The following PRKAR1B variants were observed in gnomAD, a reference collection of about 807,000 sequenced individuals.
PRKAR1B encodes cAMP-dependent protein kinase type I-beta regulatory subunit.
A neutral mutation model predicts 46.5 loss-of-function variants in PRKAR1B; 22 were observed. The ratio of observed to expected loss-of-function variants is 0.47; its 90% CI spans 0.34 to 0.68. The LOEUF is 0.68. Ranked by LOEUF, PRKAR1B falls within the 30% of genes least tolerant of loss-of-function variation. PRKAR1B has a pLI of 0.01. For synonymous variants in PRKAR1B, 259 were observed against 217.7 expected (o/e 1.19, Z -1.67); for missense variants, 445 against 535.6 (o/e 0.83, Z 1.67).
intron 1 of PRKAR1B, among the ~76,000 whole-genome samples, chr7:713,470 A>G (rs916615319): frequency 6.8e-6 from 1 of 147,882 alleles, no homozygotes; most frequent in Non-Finnish European, 1.5e-5. Context: ...CGTACACACC[A>G]TCTCCCACTC....
rs146818957 is a variant in PRKAR1B, at chr7:668,565, T to G, written c.440+8664A>C. Among the ~76,000 whole-genome samples the G allele has an allele frequency of 4.9e-3, 753 of 152,300 alleles. 2 individuals are homozygous for G. Among genetic ancestry groups the G allele is most frequent in the Middle Eastern group, 0.014 (4 of 294 alleles). ...CAAAAGCTTCCTTTTCAAGCCAGCC[T>G]TACAAAGAGGAGTTTTTAAGCCAAC... is the stretch of plus-strand genomic sequence containing the variant. On this transcript the variant is annotated intron_variant, in intron 4 of 10. Coordinates refer to ENST00000537384, the MANE Select transcript of PRKAR1B (RefSeq NM_001164760.2).
chr7:703,081 C>G (rs1021947520), intron 2 of PRKAR1B, among the ~76,000 whole-genome samples: 3 of 152,072 alleles, frequency 2.0e-5, no homozygotes, highest in Non-Finnish European at 4.4e-5. Flanking sequence ...AAAGATTAAT[C>G]ACACAAATCC....
At chr7:553,179 G>T (rs1476120906) in intron 9 of PRKAR1B, among the ~76,000 whole-genome samples, 1 of 152,206 alleles carries the variant, frequency 6.6e-6, no homozygotes, top group Non-Finnish European at 1.5e-5. Flanking sequence ...CGGGAACCTA[G>T]GAATGTCCCG....
chr7:584,634 T>A (rs1196255081), intron 7 of PRKAR1B, 66 bp from the exon 8 acceptor site: 2 of 1,375,340 alleles, frequency 1.5e-6, no homozygotes, highest in East Asian at 4.6e-5. Flanking sequence ...TCCTGACGTT[T>A]CCAGATTTCC....
intron 6 of PRKAR1B, among the ~76,000 whole-genome samples, chr7:601,250 G>A (rs569295391): frequency 6.6e-6 from 1 of 152,340 alleles, no homozygotes; most frequent in South Asian, 2.1e-4. Context: ...CTCGGACCCT[G>A]GGTAGCCGTA....
intron 9 of PRKAR1B, among the ~76,000 whole-genome samples, chr7:561,198 CCA>C (rs1316974776): frequency 9.9e-5 from 15 of 151,374 alleles, no homozygotes; most frequent in African/African-American, 1.2e-4. Flanking sequence ...CACACACACC[CCA>C]CACACATGCA....
chr7:647,573 G>A (rs896048459), intron 4 of PRKAR1B, among the ~76,000 whole-genome samples: 57 of 152,006 alleles, frequency 3.7e-4, no homozygotes, highest in Admixed American at 2.9e-3. Flanking sequence ...TTGGGGGGCC[G>A]AGACAAGTGG....
In PRKAR1B at chr7:593,139, T is replaced by C. The variant is rs542268389; in HGVS notation, c.708+3007A>G. On this transcript the variant is annotated intron_variant, in intron 7 of 10. Coordinates refer to ENST00000537384, the MANE Select transcript of PRKAR1B (RefSeq NM_001164760.2). The surrounding 1 kb of genome is among the most constrained non-coding windows in gnomAD (Gnocchi z 6.1). ...GGAGCCTAGAGGTGGGGTCACCCCA[T>C]CCTTCCTCGGATAAAACGTGAAGCG... 1.3e-5 allele frequency among the ~76,000 whole-genome samples: 2 copies of C among 152,318 alleles called. No individual in the cohort carries two copies.
chr7:688,751 G>A (rs1779243318), intron 2 of PRKAR1B, among the ~76,000 whole-genome samples: 1 of 152,112 alleles, frequency 6.6e-6, no homozygotes, highest in Non-Finnish European at 1.5e-5. Flanking sequence ...GGTCCTCTCA[G>A]CAGTTACGTA....
intron 9 of PRKAR1B, among the ~76,000 whole-genome samples, chr7:572,073 G>C (rs148722024): frequency 0.014 from 2,151 of 152,302 alleles, 44 homozygotes; most frequent in African/African-American, 0.049. Context: ...CCTTTGGTAA[G>C]AGCCCCTAGA....
intron 4 of PRKAR1B, among the ~76,000 whole-genome samples, chr7:670,790 C>G (rs1036964099): frequency 4.0e-5 from 6 of 150,206 alleles, no homozygotes; most frequent in African/African-American, 1.2e-4. Flanking sequence ...GGCTCAGGAC[C>G]GAAGACGGCC....
At chr7:572,407 G>A (rs1779571068) in intron 9 of PRKAR1B, among the ~76,000 whole-genome samples, 1 of 152,214 alleles carries the variant, frequency 6.6e-6, no homozygotes, top group Admixed American at 6.5e-5. Flanking sequence ...CCCAGGAGGG[G>A]CCTGCTCCTG....
At chr7:721,379 G>A (rs1278103000) in intron 1 of PRKAR1B, among the ~76,000 whole-genome samples, 1 of 152,198 alleles carries the variant, frequency 6.6e-6, no homozygotes, top group Admixed American at 6.5e-5. Flanking sequence ...GGGCACGGTG[G>A]CTCACGCCTG....
chr7:685,385 C>CATACATAT (rs375724429), intron 2 of PRKAR1B, among the ~76,000 whole-genome samples: 3 of 79,516 alleles, frequency 3.8e-5, no homozygotes, highest in African/African-American at 1.7e-4. Flanking sequence ...TATATACATA[C>CATACATAT]ATATATATAT....
Position 551,267 on chromosome 7 carries a change from G to A in PRKAR1B, c.973+122C>T, listed in dbSNP as rs548440390. On this transcript the variant is annotated intron_variant, in intron 10 of 10. Coordinates refer to ENST00000537384, the MANE Select transcript of PRKAR1B (RefSeq NM_001164760.2). ...TCTGTTGCAGCCACACTGGGGCTCA[G>A]CCAAGCCCCACTACAAGGCCCCAGG... 87 of 931,862 alleles carry A rather than the reference G, an allele frequency of 9.3e-5. No homozygotes were observed. In the Middle Eastern group the frequency reaches 1.7e-3, roughly 18 times the overall value. The allele number at this position is 931,862 out of a possible 1,614,324, so 57.7% of individuals were successfully genotyped here.
intron 2 of PRKAR1B, among the ~76,000 whole-genome samples, chr7:693,498 C>T (rs566130426): frequency 1.8e-4 from 27 of 152,034 alleles, no homozygotes; most frequent in African/African-American, 5.5e-4. Context: ...AGCGGAATTG[C>T]GCAGCATTTG....
intron 4 of PRKAR1B, among the ~76,000 whole-genome samples, chr7:656,911 G>A (rs1463762431): frequency 2.1e-5 from 3 of 145,002 alleles, no homozygotes; most frequent in Non-Finnish European, 4.5e-5. Flanking sequence ...ATGGATGGAC[G>A]GACGGATGGA....
Position 550,565 on chromosome 7 carries a change from G to C in PRKAR1B, c.1011C>G (p.Ala337=), listed in dbSNP as rs756084389. 6.3e-7 allele frequency: 1 copy of C among 1,593,896 alleles called. No individual in the cohort carries two copies. The highest frequency in any genetic ancestry group is 1.1e-5 in the South Asian group (1 of 88,878). ...TGAGGGGCCCCCGGGCCACGACAGT[G>C]GCCGCCCGGGGCCGGTTCAGCAGCA... ...IALLLNRPRA[A]TVVARGPLKC... is the part of the protein sequence containing the mutation. Residue 337 remains alanine (A), a synonymous_variant, in exon 11 of 11, where the codon GCC becomes GCG. Transcript: ENST00000537384.
intron 4 of PRKAR1B, among the ~76,000 whole-genome samples, chr7:658,330 G>A (rs554062509): frequency 4.5e-4 from 69 of 152,282 alleles, no homozygotes; most frequent in African/African-American, 1.6e-3. Context: ...CAGCTACTAG[G>A]AGGCTGAGGC....
Sources: gnomAD v4.1 joint callset for allele counts (sites outside exome capture counted in the v4.1 genomes callset) on GRCh38, gnomAD v4.1.1 for gene constraint, Gnocchi (gnomAD v3.1) non-coding constraint, MANE v1.5 for transcripts, NCBI Gene and HGNC (gene_info 2026-07-23, HGNC 2026-07-21) for gene names.